The following COL11A1 variants were observed in gnomAD, a reference collection of about 807,000 sequenced individuals.
COL11A1 encodes the protein collagen alpha-1(XI) chain.
COL11A1 carries 74 observed loss-of-function variants against 265.2 expected under a neutral mutation model. That is an observed-to-expected ratio of 0.28 (90% confidence interval 0.23 to 0.34). The LOEUF (loss-of-function observed/expected upper bound fraction) is 0.34. COL11A1 is among the 10% of genes least tolerant of loss of function. The pLI is 1.00. For synonymous variants in COL11A1, 816 were observed against 727.6 expected, an observed-to-expected ratio of 1.12 and a Z score of -1.96; for missense variants, 2,165 against 2,263.6, an observed-to-expected ratio of 0.96 and a Z score of 0.88.
At chr1:102,890,567 T>C in intron 57 of COL11A1, 63 bp from the exon 58 acceptor site, 1 of 1,361,092 alleles carries the variant, frequency 7.3e-7, no homozygotes, top group Non-Finnish European at 1.0e-6. Context: ...TAGAGAATCC[T>C]ATAACTAGTC....
intron 1 of COL11A1, among the ~76,000 whole-genome samples, chr1:103,088,745 A>G (rs569717055): frequency 7.9e-5 from 12 of 152,282 alleles, no homozygotes; most frequent in African/African-American, 2.2e-4. Flanking sequence ...CTCAGTGAAG[A>G]AGAGAAGGAA....
At chr1:103,104,626 C>T (rs1414556346) in intron 1 of COL11A1, among the ~76,000 whole-genome samples, 2 of 152,058 alleles carry the variant, frequency 1.3e-5, no homozygotes, top group Non-Finnish European at 2.9e-5. Flanking sequence ...AATTTCAAAA[C>T]TAATGGACAA....
At chr1:102,901,942 A>G (rs1172769057) in intron 54 of COL11A1, among the ~76,000 whole-genome samples, 3 of 152,226 alleles carry the variant, frequency 2.0e-5, no homozygotes, top group Non-Finnish European at 4.4e-5. Flanking sequence ...AGTCACAAAC[A>G]CAGATACAAA....
In COL11A1 at chr1:103,043,760, A is replaced by G. The variant is rs148306216; in HGVS notation, c.652-12516T>C. Among the ~76,000 whole-genome samples, 989 of 152,204 alleles carry G rather than the reference A, an allele frequency of 6.5e-3. 17 individuals are homozygous for G. Among genetic ancestry groups the G allele is most frequent in the African/African-American group, 0.022 (934 of 41,560 alleles). Reference sequence around the variant, plus strand: ...ACAAACCTTTAAGTGGCAGACTTCTAGTTATAATTTTTCTAAAAATAAGTT... The same window carrying G: ...ACAAACCTTTAAGTGGCAGACTTCTGGTTATAATTTTTCTAAAAATAAGTT... On this transcript the variant is annotated intron_variant, in intron 4 of 66. Coordinates refer to ENST00000370096, the MANE Select transcript of COL11A1 (RefSeq NM_001854.4).
intron 30 of COL11A1, among the ~76,000 whole-genome samples, chr1:102,985,925 A>G (rs1313111176): frequency 1.3e-5 from 2 of 152,110 alleles, no homozygotes; most frequent in Admixed American, 1.3e-4. Flanking sequence ...TACAATTAGC[A>G]ATGTTTTTTC....
At chr1:103,012,829 T>C (rs1057460359) in intron 13 of COL11A1, among the ~76,000 whole-genome samples, 9 of 152,150 alleles carry the variant, frequency 5.9e-5, no homozygotes, top group Admixed American at 5.2e-4. Flanking sequence ...TAGGCACAAT[T>C]TGAGAGGCTT....
intron 35 of COL11A1, among the ~76,000 whole-genome samples, chr1:102,976,437 T>C (rs943738855): frequency 2.0e-5 from 3 of 151,862 alleles, no homozygotes; most frequent in African/African-American, 7.3e-5. Flanking sequence ...TAGCTGGGAT[T>C]ACAGGCACCC....
At chr1:102,924,215 C>G (rs184268303) in intron 46 of COL11A1, among the ~76,000 whole-genome samples, 5 of 152,080 alleles carry the variant, frequency 3.3e-5, no homozygotes, top group African/African-American at 1.2e-4. Flanking sequence ...AGCAAGACTC[C>G]GTCTCCAAAA....
chr1:102,947,461 T>A (rs1398083386), intron 41 of COL11A1, among the ~76,000 whole-genome samples: 1 of 152,068 alleles, frequency 6.6e-6, no homozygotes, highest in Non-Finnish European at 1.5e-5. Context: ...CACACAAAAT[T>A]TTTTACAAAA....
intron 35 of COL11A1, among the ~76,000 whole-genome samples, chr1:102,976,289 CTTTTTTTTT>C (rs149842131): frequency 2.2e-4 from 13 of 58,598 alleles, no homozygotes; most frequent in African/African-American, 6.4e-4. Flanking sequence ...AAAACGTTGG[CTTTTTTTTT>C]TTTTTTTTTT....
intron 41 of COL11A1, among the ~76,000 whole-genome samples, chr1:102,951,799 T>C (rs1329462786): frequency 1.3e-5 from 2 of 152,042 alleles, no homozygotes; most frequent in Non-Finnish European, 2.9e-5. Flanking sequence ...TACACACATG[T>C]AGTCAAGAGA....
chr1:102,925,792 A>G (rs1425528178), intron 46 of COL11A1, among the ~76,000 whole-genome samples: 1 of 152,124 alleles, frequency 6.6e-6, no homozygotes, highest in Non-Finnish European at 1.5e-5. Flanking sequence ...CACAGTTTAA[A>G]TAAATATTTC....
intron 4 of COL11A1, among the ~76,000 whole-genome samples, chr1:103,060,474 G>A (rs1415349): frequency 0.15 from 22,148 of 152,090 alleles, 1,744 homozygotes; most frequent in Middle Eastern, 0.16. Context: ...TCTAAGGTAT[G>A]AGTTTTTTCA....
chr1:102,984,263 T>C, intron 30 of COL11A1, 72 bp from the exon 31 acceptor site: 2 of 1,018,470 alleles, frequency 2.0e-6, no homozygotes, highest in Non-Finnish European at 2.9e-6. Context: ...ATTTCAATTT[T>C]TTTTAAATAT....
At chr1:103,061,510 C>T (rs995866092) in intron 4 of COL11A1, among the ~76,000 whole-genome samples, 1 of 152,042 alleles carries the variant, frequency 6.6e-6, no homozygotes, top group Non-Finnish European at 1.5e-5. Flanking sequence ...AAAGAAAACT[C>T]TTAAAAATTT....
At position 102,907,752 on chromosome 1, in the gene COL11A1, TATGC is replaced by T. The variant is rs534807503; in HGVS notation, c.4086+4403_4086+4406del. Reference sequence around the variant, plus strand: ...ATATTAGATTTTGAGATTCATCTGTTATGCATGCATCTGTAGTGCATTTATTTTA... The same window carrying T: ...ATATTAGATTTTGAGATTCATCTGTTATGCATCTGTAGTGCATTTATTTTA... On this transcript the variant is annotated intron_variant, in intron 54 of 66. Transcript: ENST00000370096. 5.3e-3 allele frequency among the ~76,000 whole-genome samples: 776 copies of T among 147,242 alleles called. 9 individuals carry two copies. The highest frequency in any genetic ancestry group is 0.019 in the African/African-American group (747 of 40,020).
At position 102,924,250 on chromosome 1, in the gene COL11A1, T is replaced by C. The variant is rs970105806; in HGVS notation, c.3601-861A>G. ...AGACAAAAAAATTCTTTCAAATCTA[T>C]TTCCATTGTATTCAATTGCACTGTA... On this transcript the variant is annotated intron_variant, in intron 46 of 66. Transcript: ENST00000370096. Among the ~76,000 whole-genome samples, 71 of 152,126 alleles carry C rather than the reference T, an allele frequency of 4.7e-4. 1 individual carries two copies. Among genetic ancestry groups the C allele is most frequent in the African/African-American group, 1.7e-3 (70 of 41,520 alleles).
chr1:103,016,619 G>A (rs1289625312), intron 11 of COL11A1, among the ~76,000 whole-genome samples: 1 of 151,620 alleles, frequency 6.6e-6, no homozygotes, highest in African/African-American at 2.4e-5. Context: ...AACTCAAAGC[G>A]CCCAACCAAT....
intron 4 of COL11A1, among the ~76,000 whole-genome samples, chr1:103,048,195 T>C (rs1292355899): frequency 5.3e-5 from 8 of 152,322 alleles, no homozygotes; most frequent in Admixed American, 1.3e-4. Context: ...CTCCTCCTTG[T>C]ACCTCTGGTA....
Sources: allele counts gnomAD v4.1 joint callset (sites outside exome capture counted in the v4.1 genomes callset), GRCh38; gene constraint gnomAD v4.1.1; transcripts MANE v1.5; gene names NCBI Gene and HGNC (gene_info 2026-07-23, HGNC 2026-07-21).